Variants in CDH13 observed in about 807,000 individuals in gnomAD.
CDH13 encodes the protein cadherin-13.
CDH13 carries 24 observed loss-of-function variants against 63.8 expected under a neutral mutation model. The ratio of observed to expected loss-of-function variants is 0.38; its 90% CI spans 0.27 to 0.53. The LOEUF (loss-of-function observed/expected upper bound fraction) is 0.53. Ranked by LOEUF, CDH13 falls within the 20% of genes least tolerant of loss-of-function variation. CDH13 has a pLI of 0.85. For synonymous variants in CDH13, 503 were observed against 355.3 expected (o/e 1.42, Z -4.67); for missense variants, 1,049 against 903.1 (o/e 1.16, Z -2.07).
intron 10 of CDH13, among the ~76,000 whole-genome samples, chr16:83,697,414 G>A (rs1003879137): frequency 2.0e-5 from 3 of 152,200 alleles, no homozygotes; most frequent in Non-Finnish European, 2.9e-5. Context: ...GCTGTCCAGC[G>A]TCTCTGGGCA....
intron 5 of CDH13, among the ~76,000 whole-genome samples, chr16:83,227,493 G>A (rs1191085627): frequency 1.3e-5 from 2 of 152,198 alleles, no homozygotes; most frequent in East Asian, 1.9e-4. Flanking sequence ...TATGATCAGG[G>A]AATAAAGGCA....
intron 2 of CDH13, among the ~76,000 whole-genome samples, chr16:82,962,403 T>G (rs149346071): frequency 0.026 from 4,024 of 152,306 alleles, 65 homozygotes; most frequent in South Asian, 0.046. Flanking sequence ...TCCAGAGGTA[T>G]GAGAGAATAA....
At chr16:83,660,314 T>G (rs368158452) in intron 8 of CDH13, among the ~76,000 whole-genome samples, 2 of 152,306 alleles carry the variant, frequency 1.3e-5, no homozygotes, top group African/African-American at 4.8e-5. Context: ...CGGTTCCATC[T>G]GGGGGTGATA....
At chr16:82,902,443 G>A (rs139192282) in intron 2 of CDH13, among the ~76,000 whole-genome samples, 1 of 151,072 alleles carries the variant, frequency 6.6e-6, no homozygotes, top group African/African-American at 2.4e-5. Context: ...AGGATACATT[G>A]GTCTTTGACA....
At chr16:82,640,423 G>A (rs1266347404) in intron 1 of CDH13, among the ~76,000 whole-genome samples, 1 of 152,126 alleles carries the variant, frequency 6.6e-6, no homozygotes, top group East Asian at 1.9e-4. Flanking sequence ...TTTAAACCAG[G>A]GGTAGGTATC....
chr16:82,779,285 A>G (rs1209695236), intron 1 of CDH13, among the ~76,000 whole-genome samples: 1 of 152,146 alleles, frequency 6.6e-6, no homozygotes, highest in African/African-American at 2.4e-5. Context: ...TCACACAGAT[A>G]GTAGGCAGTC....
chr16:83,184,881 C>CTG (rs1410934799), intron 4 of CDH13, among the ~76,000 whole-genome samples: 2 of 141,806 alleles, frequency 1.4e-5, no homozygotes, highest in East Asian at 2.0e-4. Context: ...GATGTCTAAG[C>CTG]CGTGTGTGTG....
intron 3 of CDH13, among the ~76,000 whole-genome samples, chr16:83,079,255 C>G (rs555732294): frequency 6.6e-6 from 1 of 152,304 alleles, no homozygotes; most frequent in African/African-American, 2.4e-5. Context: ...ATTTGAATGG[C>G]TTTAGAATAT....
At chr16:83,217,523 C>G in intron 5 of CDH13, 26 bp downstream of exon 5, 1 of 1,602,532 alleles carries the variant, frequency 6.2e-7, no homozygotes, top group Non-Finnish European at 8.5e-7. Flanking sequence ...CCATGCCCAC[C>G]CTGTGCGCAG....
chr16:82,973,855 T>C (rs1052327573), intron 2 of CDH13, among the ~76,000 whole-genome samples: 1 of 152,242 alleles, frequency 6.6e-6, no homozygotes, highest in African/African-American at 2.4e-5. Flanking sequence ...AGCTGTTTCA[T>C]TGATGTAAAT....
At chr16:83,210,796 C>T (rs1306773659) in intron 4 of CDH13, among the ~76,000 whole-genome samples, 1 of 151,184 alleles carries the variant, frequency 6.6e-6, no homozygotes, top group African/African-American at 2.4e-5. Flanking sequence ...TACAACGAAA[C>T]GCCACAGTCA....
intron 1 of CDH13, among the ~76,000 whole-genome samples, chr16:82,704,388 A>G (rs938538104): frequency 6.6e-6 from 1 of 152,210 alleles, no homozygotes; most frequent in African/African-American, 2.4e-5. Context: ...TGTAAGCATT[A>G]CTTCAACATT....
At chr16:83,216,423 T>TAG (rs1447094302) in intron 4 of CDH13, among the ~76,000 whole-genome samples, 1 of 100,878 alleles carries the variant, frequency 9.9e-6, no homozygotes, top group East Asian at 3.2e-4. Flanking sequence ...TATATATATA[T>TAG]ATATATATAT....
At chr16:83,732,187 G>A (rs192097183) in intron 10 of CDH13, among the ~76,000 whole-genome samples, 2 of 152,342 alleles carry the variant, frequency 1.3e-5, no homozygotes, top group Admixed American at 6.5e-5. Context: ...CACAACCGGT[G>A]TGATTACAGC....
At chr16:83,312,667 T>C (rs796650714) in intron 5 of CDH13, among the ~76,000 whole-genome samples, 1 of 152,140 alleles carries the variant, frequency 6.6e-6, no homozygotes, top group East Asian at 1.9e-4. Flanking sequence ...AGAATGCTGC[T>C]GATGTTAGAA....
chr16:83,699,126 T>C (rs1905830908), intron 10 of CDH13, among the ~76,000 whole-genome samples: 1 of 152,248 alleles, frequency 6.6e-6, no homozygotes, highest in African/African-American at 2.4e-5. Context: ...CAATGTTTGC[T>C]AAATGCATGA....
At chr16:82,814,950 A>G (rs959304048) in intron 1 of CDH13, among the ~76,000 whole-genome samples, 2 of 152,028 alleles carry the variant, frequency 1.3e-5, no homozygotes, top group African/African-American at 2.4e-5. Context: ...TTGGGGAAAA[A>G]CCCACTCATA....
At chr16:83,188,800 C>T (rs1208593592) in intron 4 of CDH13, among the ~76,000 whole-genome samples, 3 of 152,172 alleles carry the variant, frequency 2.0e-5, no homozygotes, top group East Asian at 1.9e-4. Flanking sequence ...ATTTTATAAG[C>T]AATTATTACG....
chr16:83,118,526 G>T (rs184349163), intron 3 of CDH13, among the ~76,000 whole-genome samples: 1 of 152,180 alleles, frequency 6.6e-6, no homozygotes, highest in Admixed American at 6.5e-5. Context: ...CTGTGTTTCA[G>T]ATCTGGCCTT....
Sources: gnomAD v4.1 joint callset for allele counts (sites outside exome capture counted in the v4.1 genomes callset) on GRCh38, gnomAD v4.1.1 for gene constraint, MANE v1.5 for transcripts, NCBI Gene and HGNC (gene_info 2026-07-23, HGNC 2026-07-21) for gene names.